Variants in TEX26 observed in about 807,000 individuals in gnomAD.
TEX26 encodes the protein testis expressed 26.
TEX26 carries 34 observed loss-of-function variants against 35.3 expected under a neutral mutation model. The observed-to-expected ratio is 0.96, with a 90% CI of 0.73 to 1.28. TEX26 has a LOEUF of 1.28. TEX26 is among the 50% of genes most tolerant of loss of function. The pLI, the probability that TEX26 is intolerant of heterozygous loss-of-function variation, is 0.00. For synonymous variants in TEX26, 136 were observed against 111.8 expected (o/e 1.22, Z -1.36); for missense variants, 371 against 330.1 (o/e 1.12, Z -0.96).
intron 6 of TEX26, among the ~76,000 whole-genome samples, chr13:30,970,168 A>AGTGTGT (rs57600535): frequency 1.9e-4 from 28 of 146,520 alleles, no homozygotes; most frequent in African/African-American, 6.7e-4. Context: ...GGTGTGTGTG[A>AGTGTGT]GTGTGTGTGT....
At chr13:30,935,216 G>A (rs1180751169) in intron 1 of TEX26, among the ~76,000 whole-genome samples, 4 of 152,250 alleles carry the variant, frequency 2.6e-5, no homozygotes, top group Admixed American at 6.5e-5. Flanking sequence ...GTGGGGTTGG[G>A]ACCAAGCCCC....
rs116698423 is a variant in TEX26 at position 30,938,916 on chromosome 13, C to T, written c.62-778C>T. 3.5e-3 allele frequency among the ~76,000 whole-genome samples: 531 copies of T among 152,326 alleles called. 2 individuals are homozygous for T. Among genetic ancestry groups the T allele is most frequent in the African/African-American group, 0.012 (504 of 41,568 alleles). ...GGAACTTCTGCTCCAAGTCTACTCC[C>T]TCCTTCATTGATCTCCCCACTCTCA... On this transcript the variant is annotated intron_variant, in intron 1 of 6. Coordinates refer to ENST00000380473, the MANE Select transcript of TEX26 (RefSeq NM_152325.3).
At chr13:30,947,891 C>T (rs1302343250) in intron 2 of TEX26, among the ~76,000 whole-genome samples, 1 of 151,902 alleles carries the variant, frequency 6.6e-6, no homozygotes, top group African/African-American at 2.4e-5. Flanking sequence ...CCTCCCCTCT[C>T]CCCCCACCCC....
rs1340804122 is a variant in TEX26, at chr13:30,969,049, A to G, written c.808+3A>G. On this transcript the variant is annotated splice_donor_region_variant and intron_variant, in intron 6 of 6. Transcript: ENST00000380473. ...CCTTCAGAGTCTTTCCTACAAAGGTAAGATGAGGTCTTATTTCACACACTT... is the reference window on the plus strand; with the variant it reads ...CCTTCAGAGTCTTTCCTACAAAGGTGAGATGAGGTCTTATTTCACACACTT... The G allele has an allele frequency of 6.2e-7, 1 of 1,611,382 alleles. No individual in the cohort carries two copies. Among genetic ancestry groups the G allele is most frequent in the Admixed American group, 1.7e-5 (1 of 59,822 alleles).
rs745811702 is a variant in TEX26 at position 30,974,831 on chromosome 13, C to T, written c.809-15C>T. On this transcript the variant is annotated splice_polypyrimidine_tract_variant and intron_variant, in intron 6 of 6. Coordinates refer to ENST00000380473, the MANE Select transcript of TEX26 (RefSeq NM_152325.3). The stretch of plus-strand genomic sequence containing the variant: ...ACGTGAAAATTTTCATCCTGTTTTT[C>T]TTCATACTTTTCAGATAGACAAATT... The T allele has an allele frequency of 6.5e-7, 1 of 1,548,750 alleles. No homozygotes were observed. Among genetic ancestry groups the T allele is most frequent in the Non-Finnish European group, 8.7e-7 (1 of 1,153,224 alleles).
At chr13:30,956,677 C>T (rs1209054847) in intron 3 of TEX26, among the ~76,000 whole-genome samples, 196 bp from the exon 4 acceptor site, 1 of 152,150 alleles carries the variant, frequency 6.6e-6, no homozygotes, top group African/African-American at 2.4e-5. Context: ...TGTGAAAAGT[C>T]AAAGAAATGT....
At chr13:30,939,881 G>C in intron 2 of TEX26, 103 bp downstream of exon 2, 1 of 1,055,470 alleles carries the variant, frequency 9.5e-7, no homozygotes. Context: ...GAGAAGCTTC[G>C]TAAAAATGCT....
chr13:30,946,764 A>G (rs952019172), intron 2 of TEX26, among the ~76,000 whole-genome samples: 17 of 152,054 alleles, frequency 1.1e-4, no homozygotes, highest in Admixed American at 7.2e-4. Flanking sequence ...AAATGTCAAC[A>G]TAAATTTAAA....
At chr13:30,946,360 A>G (rs1271178366) in intron 2 of TEX26, among the ~76,000 whole-genome samples, 1 of 151,476 alleles carries the variant, frequency 6.6e-6, no homozygotes, top group Non-Finnish European at 1.5e-5. Context: ...TTGTTTCTTA[A>G]TTTCTTTATG....
intron 2 of TEX26, among the ~76,000 whole-genome samples, chr13:30,942,492 T>C (rs896945943): frequency 2.0e-5 from 3 of 152,194 alleles, no homozygotes; most frequent in Non-Finnish European, 4.4e-5. Flanking sequence ...AATTATTCTT[T>C]TTGCTGTATA....
At chr13:30,941,914 A>G (rs758689382) in intron 2 of TEX26, among the ~76,000 whole-genome samples, 2 of 151,940 alleles carry the variant, frequency 1.3e-5, no homozygotes, top group Admixed American at 6.6e-5. Context: ...TCACTAATCA[A>G]TGGGCCCTTA....
chr13:30,957,113 C>A, intron 4 of TEX26, 84 bp downstream of exon 4: 1 of 1,399,306 alleles, frequency 7.1e-7, no homozygotes, highest in Middle Eastern at 2.0e-4. Context: ...GTGTGTTCTT[C>A]TCCTTCAAGG....
At position 30,948,524 on chromosome 13, in the gene TEX26, C is replaced by T. The variant is rs183776424; in HGVS notation, c.147-4136C>T. On this transcript the variant is annotated intron_variant, in intron 2 of 6. Coordinates refer to ENST00000380473, the MANE Select transcript of TEX26 (RefSeq NM_152325.3). Reference sequence around the variant, plus strand: ...AGCATTTTTTCATGTGTTTTTTGGTCGCATAAATCTCTTCTTTTGAGAAGA... The same window carrying T: ...AGCATTTTTTCATGTGTTTTTTGGTTGCATAAATCTCTTCTTTTGAGAAGA... Among the ~76,000 whole-genome samples the T allele has an allele frequency of 5.3e-3, 805 of 152,152 alleles. 8 individuals are homozygous for T. Among genetic ancestry groups the T allele is most frequent in the Non-Finnish European group, 8.8e-3 (596 of 68,008 alleles).
At chr13:30,955,179 A>C (rs1046159036) in intron 3 of TEX26, among the ~76,000 whole-genome samples, 4 of 152,230 alleles carry the variant, frequency 2.6e-5, no homozygotes, top group Admixed American at 1.3e-4. Flanking sequence ...GAGCTTTAAA[A>C]AATGAAATCG....
intron 2 of TEX26, among the ~76,000 whole-genome samples, chr13:30,944,950 G>A (rs1186272904): frequency 6.6e-6 from 1 of 151,888 alleles, no homozygotes; most frequent in Non-Finnish European, 1.5e-5. Context: ...GTAAATATTT[G>A]TTAGGTCCAT....
chr13:30,968,433 G>C (rs186039236), intron 5 of TEX26, among the ~76,000 whole-genome samples: 94 of 152,328 alleles, frequency 6.2e-4, no homozygotes, highest in African/African-American at 2.1e-3. Flanking sequence ...GATTCCCTGT[G>C]GATGCGGGTC....
Position 30,955,877 on chromosome 13 carries a change from C to A in TEX26, c.313-996C>A, listed in dbSNP as rs1016642640. Among the ~76,000 whole-genome samples, 42 of 151,984 alleles carry A rather than the reference C, an allele frequency of 2.8e-4. No homozygotes were observed. The Middle Eastern group carries it at 0.01, about 37-fold the overall frequency. ...GAGTGCAGGTGCGGTGGCTGGGACA[C>A]GGTTGGTGGGCTGTGGAGGTTATTT... On this transcript the variant is annotated intron_variant, in intron 3 of 6. Transcript: ENST00000380473.
chr13:30,962,836 T>G lies in TEX26; in HGVS notation c.470-3386T>G, dbSNP rs556108260. Among the ~76,000 whole-genome samples the G allele has an allele frequency of 2.9e-3, 436 of 152,200 alleles. 5 individuals are homozygous for G. The South Asian group carries it at 0.046, about 16-fold the overall frequency. ...TTTTTTGTTTTTGTTTTTGTTTTTT[T>G]TTTTGAGACGGAGTCTCACTCTGTC... On this transcript the variant is annotated intron_variant, in intron 4 of 6. Coordinates refer to ENST00000380473, the MANE Select transcript of TEX26 (RefSeq NM_152325.3).
At chr13:30,966,138 C>A (rs1054910519) in intron 4 of TEX26, 84 bp from the exon 5 acceptor site, 5 of 1,466,208 alleles carry the variant, frequency 3.4e-6, no homozygotes, top group African/African-American at 2.8e-5. Context: ...GCACATTGAC[C>A]ATACCTCTAA....
Sources: allele counts gnomAD v4.1 joint callset (sites outside exome capture counted in the v4.1 genomes callset), GRCh38; gene constraint gnomAD v4.1.1; transcripts MANE v1.5; gene names NCBI Gene and HGNC (gene_info 2026-07-23, HGNC 2026-07-21).